Variants in RIN2 observed in about 807,000 individuals in gnomAD.
RIN2 encodes Ras and Rab interactor 2.
In RIN2, 36 loss-of-function variants were observed where a neutral mutation model predicts 78.0. The observed-to-expected ratio is 0.46, with a 90% CI of 0.35 to 0.61. The LOEUF is 0.61. Among genes scored for constraint, RIN2 ranks in the 20% least tolerant of loss-of-function variants. The pLI is 0.00. For synonymous variants in RIN2, 466 were observed against 466.8 expected (o/e 1.00, Z 0.02); for missense variants, 1,087 against 1,159.7 (o/e 0.94, Z 0.91).
At chr20:19,923,731 A>T (rs897957620) in intron 3 of RIN2, among the ~76,000 whole-genome samples, 8 of 152,148 alleles carry the variant, frequency 5.3e-5, no homozygotes, top group African/African-American at 1.9e-4. Flanking sequence ...CATTTCACTT[A>T]ACTCAGAGGA....
chr20:19,920,346 T>C (rs962266562), intron 3 of RIN2, among the ~76,000 whole-genome samples: 2 of 150,688 alleles, frequency 1.3e-5, no homozygotes, highest in Non-Finnish European at 2.9e-5. Flanking sequence ...ACTTCAATCA[T>C]TTCACTTATT....
At chr20:19,875,614 A>G (rs1214030975) in intron 2 of RIN2, among the ~76,000 whole-genome samples, 1 of 152,216 alleles carries the variant, frequency 6.6e-6, no homozygotes, top group African/African-American at 2.4e-5. Context: ...CAGCCTAAGC[A>G]ACAGATTAAA....
At chr20:19,917,178 G>C (rs146669303) in intron 3 of RIN2, among the ~76,000 whole-genome samples, 10 of 151,852 alleles carry the variant, frequency 6.6e-5, no homozygotes, top group African/African-American at 2.2e-4. Context: ...GCTTCAGGGA[G>C]GGAGAGGGCC....
chr20:19,840,512 C>G (rs1012261904), intron 2 of RIN2, among the ~76,000 whole-genome samples: 1 of 152,190 alleles, frequency 6.6e-6, no homozygotes, highest in African/African-American at 2.4e-5. Flanking sequence ...GAGCCCTTCC[C>G]CACAGTTTAT....
chr20:19,893,957 A>G (rs1187045882), intron 3 of RIN2, among the ~76,000 whole-genome samples: 5 of 152,170 alleles, frequency 3.3e-5, no homozygotes, highest in Admixed American at 3.3e-4. Context: ...CTGTATTCCC[A>G]GCTACTCAGG....
chr20:19,959,757 C>T (rs1457506943), intron 5 of RIN2, among the ~76,000 whole-genome samples: 1 of 152,156 alleles, frequency 6.6e-6, no homozygotes, highest in Non-Finnish European at 1.5e-5. Flanking sequence ...GGAGAAGGGC[C>T]ATGCTCCACA....
intron 9 of RIN2, among the ~76,000 whole-genome samples, chr20:19,986,686 A>G (rs572374054): frequency 3.9e-5 from 6 of 152,198 alleles, no homozygotes; most frequent in Non-Finnish European, 5.9e-5. Context: ...GATGATTTGT[A>G]TTAACACTCT....
chr20:19,965,119 A>AGCCT, intron 7 of RIN2, 95 bp downstream of exon 7: 2 of 992,974 alleles, frequency 2.0e-6, no homozygotes, highest in Non-Finnish European at 3.2e-6. Context: ...GAGGCTGGCC[A>AGCCT]CCTATTTGAT....
In RIN2 at chr20:19,996,769, C is replaced by A. The variant is rs1322199274; in HGVS notation, c.2291C>A (p.Thr764Asn). ...GCAGCGCGACTGCTCAGCTCAGAAA[C>A]CAGAGACACCCTGAGGCAGTGGCAC... is the stretch of plus-strand genomic sequence containing the variant. ...EQAARLLSSE[T>N]RDTLRQWHKR... The change falls in exon 12 of 13, where the codon ACC (threonine) becomes AAC (asparagine). Residue 764 changes from threonine (T) to asparagine (N), a missense_variant. This residue lies in a region of RIN2 where 160 missense variants were observed against 179.4 expected (regional missense o/e 0.89). Coordinates refer to ENST00000255006, the MANE Select transcript of RIN2 (RefSeq NM_018993.4). The A allele has an allele frequency of 6.2e-7, 1 of 1,612,948 alleles. No homozygotes were observed. Among genetic ancestry groups the A allele is most frequent in the African/African-American group, 1.3e-5 (1 of 75,002 alleles).
chr20:19,969,874 G>A (rs1204324706), intron 7 of RIN2, among the ~76,000 whole-genome samples: 2 of 152,164 alleles, frequency 1.3e-5, no homozygotes, highest in Non-Finnish European at 2.9e-5. Flanking sequence ...GGACAGTGTT[G>A]TGCTTTGCCC....
rs139207085 is a variant in RIN2 at position 19,987,807 on chromosome 20, C to T, written c.1763-2199C>T. Among the ~76,000 whole-genome samples the T allele has an allele frequency of 3.3e-3, 498 of 152,224 alleles. 3 individuals carry two copies. The highest frequency in any genetic ancestry group is 0.012 in the African/African-American group (478 of 41,536). ...ATAAGTTGTTCTGCTTTTTTTCCTA[C>T]TTTATAACCTCCTTCGCATCAACCT... is the stretch of plus-strand genomic sequence containing the variant. On this transcript the variant is annotated intron_variant, in intron 9 of 12. Transcript: ENST00000255006.
intron 2 of RIN2, among the ~76,000 whole-genome samples, chr20:19,843,770 T>C (rs1298943396): frequency 6.6e-6 from 1 of 152,192 alleles, no homozygotes; most frequent in Non-Finnish European, 1.5e-5. Flanking sequence ...TGACAAGCAA[T>C]ATTGAAAAAT....
chr20:19,788,840 A>C (rs1168521941), intron 1 of RIN2, among the ~76,000 whole-genome samples: 1 of 152,240 alleles, frequency 6.6e-6, no homozygotes, highest in East Asian at 1.9e-4. Context: ...ATTTATCCCC[A>C]AAGTGATCTA....
intron 2 of RIN2, among the ~76,000 whole-genome samples, chr20:19,816,030 T>G (rs557358650): frequency 3.3e-5 from 5 of 152,348 alleles, no homozygotes; most frequent in African/African-American, 4.8e-5. Flanking sequence ...AAACAGACAT[T>G]GATCACAGCC....
chr20:19,976,692 C>T (rs1002368676), intron 9 of RIN2, among the ~76,000 whole-genome samples: 5 of 152,166 alleles, frequency 3.3e-5, no homozygotes, highest in African/African-American at 1.2e-4. Context: ...ATTTCAGAGA[C>T]TTTATTCACC....
intron 2 of RIN2, among the ~76,000 whole-genome samples, chr20:19,830,534 A>G (rs1232046492): frequency 1.3e-5 from 2 of 152,158 alleles, no homozygotes; most frequent in Admixed American, 1.3e-4. Flanking sequence ...ATACCAGCAA[A>G]TGTTTATCAC....
intron 1 of RIN2, among the ~76,000 whole-genome samples, chr20:19,767,604 C>A (rs987094610): frequency 6.6e-6 from 1 of 151,944 alleles, no homozygotes; most frequent in Non-Finnish European, 1.5e-5. Context: ...TGAGCTCCTG[C>A]GAGTTCATTA....
At chr20:19,773,784 T>C (rs1020669782) in intron 1 of RIN2, among the ~76,000 whole-genome samples, 1 of 151,950 alleles carries the variant, frequency 6.6e-6, no homozygotes, top group Non-Finnish European at 1.5e-5. Flanking sequence ...ATTTGGGAGA[T>C]GTGCGGTACA....
intron 3 of RIN2, among the ~76,000 whole-genome samples, chr20:19,919,413 C>T (rs1309765398): frequency 6.6e-6 from 1 of 152,192 alleles, no homozygotes; most frequent in Non-Finnish European, 1.5e-5. Context: ...AATGTTATCC[C>T]TGAAATCATT....
Sources: allele counts gnomAD v4.1 joint callset (sites outside exome capture counted in the v4.1 genomes callset), GRCh38; gene constraint gnomAD v4.1.1; regional missense constraint gnomAD v4.1.1; transcripts MANE v1.5; gene names NCBI Gene and HGNC (gene_info 2026-07-23, HGNC 2026-07-21).